CACNB2: variants seen among roughly 807,000 people sequenced by gnomAD.
The protein encoded by CACNB2 is voltage-dependent L-type calcium channel subunit beta-2.
CACNB2 carries 42 observed loss-of-function variants against 73.3 expected under a neutral mutation model. The ratio of observed to expected loss-of-function variants is 0.57; its 90% CI spans 0.45 to 0.74. The LOEUF (loss-of-function observed/expected upper bound fraction) is 0.74. CACNB2 is among the 30% of genes least tolerant of loss of function. The pLI is 0.00. For missense variants in CACNB2, 940 were observed against 853.0 expected (o/e 1.10, Z -1.27); for synonymous variants, 348 against 310.3 (o/e 1.12, Z -1.28).
intron 3 of CACNB2, among the ~76,000 whole-genome samples, chr10:18,416,026 C>T (rs76763559): frequency 0.025 from 3,837 of 152,066 alleles, 56 homozygotes; most frequent in Non-Finnish European, 0.037. Context: ...TCAGAGTGTC[C>T]GTCACCCAAG....
intron 3 of CACNB2, among the ~76,000 whole-genome samples, chr10:18,427,070 C>T (rs1215364428): frequency 6.7e-6 from 1 of 149,668 alleles, no homozygotes; most frequent in South Asian, 2.1e-4. Context: ...ATTCTCCTGC[C>T]TTAGCCTCCC....
intron 2 of CACNB2, among the ~76,000 whole-genome samples, chr10:18,302,871 A>AAAAATAC (rs2039582551): frequency 6.6e-6 from 1 of 152,208 alleles, no homozygotes; most frequent in Admixed American, 6.5e-5. Context: ...ATAAAAAATA[A>AAAAATAC]AACTAAAATG....
intron 2 of CACNB2, among the ~76,000 whole-genome samples, chr10:18,174,242 C>T (rs1156789601): frequency 8.1e-6 from 1 of 123,904 alleles, no homozygotes; most frequent in Non-Finnish European, 1.6e-5. Context: ...CCTTCCTTCT[C>T]CCCTCCCCTT....
chr10:18,316,661 C>G (rs1263763893), intron 2 of CACNB2, among the ~76,000 whole-genome samples: 1 of 151,992 alleles, frequency 6.6e-6, no homozygotes, highest in Non-Finnish European at 1.5e-5. Flanking sequence ...CCAATTTCAC[C>G]ATGTTGCCTC....
intron 2 of CACNB2, among the ~76,000 whole-genome samples, chr10:18,252,642 A>G (rs1331835356): frequency 1.3e-5 from 2 of 152,226 alleles, no homozygotes; most frequent in African/African-American, 4.8e-5. Context: ...ATAGATAGAT[A>G]CATAGCTGTA....
At chr10:18,364,724 C>T (rs760555500) in intron 2 of CACNB2, among the ~76,000 whole-genome samples, 3 of 152,276 alleles carry the variant, frequency 2.0e-5, no homozygotes, top group Non-Finnish European at 4.4e-5. Flanking sequence ...GCCACCGTTT[C>T]TTTTGTGTGT....
chr10:18,491,075 C>T (rs2049390780), intron 3 of CACNB2, among the ~76,000 whole-genome samples: 1 of 152,180 alleles, frequency 6.6e-6, no homozygotes. Context: ...CTCTGGAACA[C>T]CAAGATTTTT....
At chr10:18,244,101 C>T (rs574397094) in intron 2 of CACNB2, among the ~76,000 whole-genome samples, 2 of 152,330 alleles carry the variant, frequency 1.3e-5, no homozygotes, top group South Asian at 4.1e-4. Context: ...TTTAACAGCA[C>T]TCAATCAATC....
chr10:18,161,785 C>T lies in CACNB2; in HGVS notation c.213+10810C>T, dbSNP rs939277841. Among the ~76,000 whole-genome samples, 6 of 151,830 alleles carry T rather than the reference C, an allele frequency of 4.0e-5. No individual in the cohort carries two copies. The East Asian group carries it at 5.8e-4, about 15-fold the overall frequency. ...CTAAAAATATTTTTTAAAAATTAGCCGGGCATGGTGGTGGGCACCTGTAAT... is the reference window on the plus strand; with the variant it reads ...CTAAAAATATTTTTTAAAAATTAGCTGGGCATGGTGGTGGGCACCTGTAAT... On this transcript the variant is annotated intron_variant, in intron 2 of 13. Transcript: ENST00000324631.
At chr10:18,287,855 C>A (rs1361353405) in intron 2 of CACNB2, among the ~76,000 whole-genome samples, 3 of 151,970 alleles carry the variant, frequency 2.0e-5, no homozygotes, top group Admixed American at 2.0e-4. Context: ...ATCTCAAAAA[C>A]AAAACAAAAC....
At chr10:18,278,298 A>G (rs1393602830) in intron 2 of CACNB2, among the ~76,000 whole-genome samples, 1 of 151,736 alleles carries the variant, frequency 6.6e-6, no homozygotes, top group Admixed American at 6.6e-5. Context: ...TGAGCAACAT[A>G]GTGAGACCCT....
chr10:18,488,338 G>C lies in CACNB2; in HGVS notation c.334-10017G>C, dbSNP rs533124583. On this transcript the variant is annotated intron_variant, in intron 3 of 13. Coordinates refer to ENST00000324631, the MANE Select transcript of CACNB2 (RefSeq NM_201596.3). ...AAAATACAGAAAATTAGCCAGGCGT[G>C]GTGGCAGGTGCCTGTAGTCCCAGCT... is the stretch of plus-strand genomic sequence containing the variant. Among the ~76,000 whole-genome samples, 24 of 151,506 alleles carry C rather than the reference G, an allele frequency of 1.6e-4. 1 individual carries two copies. In the East Asian group the frequency reaches 3.6e-3, roughly 23 times the overall value.
chr10:18,538,155 T>C, intron 12 of CACNB2, 25 bp from the exon 13 acceptor site: 1 of 1,613,492 alleles, frequency 6.2e-7, no homozygotes, highest in Non-Finnish European at 8.5e-7. Flanking sequence ...GGCATCAATG[T>C]GGTCTGGAAT....
chr10:18,441,633 G>T (rs1334204321), intron 3 of CACNB2, among the ~76,000 whole-genome samples: 1 of 151,920 alleles, frequency 6.6e-6, no homozygotes, highest in Admixed American at 6.6e-5. Context: ...GATTTTTGTT[G>T]TTGCTTTTTA....
At chr10:18,218,637 T>G (rs1309525758) in intron 2 of CACNB2, among the ~76,000 whole-genome samples, 4 of 152,100 alleles carry the variant, frequency 2.6e-5, no homozygotes, top group Non-Finnish European at 5.9e-5. Context: ...ACCCCAGTAC[T>G]TTTGGGTGGA....
intron 2 of CACNB2, among the ~76,000 whole-genome samples, chr10:18,361,593 T>C (rs1181406702): frequency 2.7e-5 from 4 of 150,736 alleles, no homozygotes; most frequent in South Asian, 2.1e-4. Flanking sequence ...ATTACTGTTA[T>C]CCTGTCTAAG....
chr10:18,171,532 A>G (rs1198270007), intron 2 of CACNB2, among the ~76,000 whole-genome samples: 2 of 142,694 alleles, frequency 1.4e-5, no homozygotes, highest in East Asian at 1.9e-4. Flanking sequence ...AAAAAAAAAA[A>G]AAAAAAAAAA....
chr10:18,476,861 A>C (rs2048466310), intron 3 of CACNB2, among the ~76,000 whole-genome samples: 1 of 152,142 alleles, frequency 6.6e-6, no homozygotes, highest in Admixed American at 6.6e-5. Flanking sequence ...AAAAATATTT[A>C]TTTAAAAAAC....
chr10:18,190,268 G>A (rs990537132), intron 2 of CACNB2, among the ~76,000 whole-genome samples: 3 of 152,160 alleles, frequency 2.0e-5, no homozygotes, highest in Non-Finnish European at 4.4e-5. Flanking sequence ...CAATAACGTA[G>A]GTTTTCTCAG....
Sources: allele counts gnomAD v4.1 joint callset (sites outside exome capture counted in the v4.1 genomes callset), GRCh38; gene constraint gnomAD v4.1.1; transcripts MANE v1.5; gene names NCBI Gene and HGNC (gene_info 2026-07-23, HGNC 2026-07-21).